The following CSGALNACT1 variants were observed in gnomAD, a reference collection of about 807,000 sequenced individuals.
CSGALNACT1 encodes beta4GalNAcT-1.
In CSGALNACT1, 52 loss-of-function variants were observed where a neutral mutation model predicts 51.0. The ratio of observed to expected loss-of-function variants is 1.02; its 90% CI spans 0.82 to 1.29. CSGALNACT1 has a LOEUF of 1.29. CSGALNACT1 is among the 50% of genes most tolerant of loss of function. The pLI is 0.00. For synonymous variants in CSGALNACT1, 341 were observed against 254.4 expected (o/e 1.34, Z -3.24); for missense variants, 935 against 679.2 (o/e 1.38, Z -4.19).
chr8:19,522,851 A>T (rs1221539060), intron 3 of CSGALNACT1, among the ~76,000 whole-genome samples: 1 of 152,230 alleles, frequency 6.6e-6, no homozygotes, highest in East Asian at 1.9e-4. Context: ...CTCAAAAAAA[A>T]ATTTAAACAA....
chr8:19,678,101 T>C (rs573290097), intron 1 of CSGALNACT1, among the ~76,000 whole-genome samples: 2 of 151,406 alleles, frequency 1.3e-5, no homozygotes, highest in African/African-American at 2.4e-5. Flanking sequence ...GAGACTCTTA[T>C]CTCAAACAAA....
intron 1 of CSGALNACT1, among the ~76,000 whole-genome samples, chr8:19,661,774 C>T (rs892716200): frequency 6.6e-6 from 1 of 152,166 alleles, no homozygotes; most frequent in South Asian, 2.1e-4. Context: ...CCAGTAGAAG[C>T]TGCTTACAGA....
At chr8:19,528,960 T>C (rs749639894) in intron 3 of CSGALNACT1, among the ~76,000 whole-genome samples, 26 of 152,196 alleles carry the variant, frequency 1.7e-4, no homozygotes, top group Non-Finnish European at 2.5e-4. Flanking sequence ...CTATGAGTAA[T>C]GGTTGTTAAT....
chr8:19,514,510 T>TAC (rs1554651569), intron 3 of CSGALNACT1, among the ~76,000 whole-genome samples: 108 of 132,974 alleles, frequency 8.1e-4, no homozygotes, highest in Admixed American at 2.4e-3. Context: ...TATATATATA[T>TAC]ACATGTATCT....
At chr8:19,666,887 G>GAGGA (rs2059295499) in intron 1 of CSGALNACT1, among the ~76,000 whole-genome samples, 3 of 125,000 alleles carry the variant, frequency 2.4e-5, no homozygotes, top group East Asian at 2.5e-4. Flanking sequence ...GAAAGAAAGA[G>GAGGA]AGAGAGGAAG....
At position 19,526,646 on chromosome 8, in the gene CSGALNACT1, A is replaced by G. The variant is rs544696312; in HGVS notation, c.-296-20516T>C. 5.3e-5 allele frequency among the ~76,000 whole-genome samples: 8 copies of G among 152,222 alleles called. No individual in the cohort carries two copies. In the East Asian group the frequency reaches 1.4e-3, roughly 26 times the overall value. On this transcript the variant is annotated intron_variant, in intron 3 of 9. Transcript: ENST00000454498. ...AAAGAGAAATGCTTATTTGACTGAT[A>G]AAGATATTACTTAAAGGAGCCACAA...
intron 3 of CSGALNACT1, among the ~76,000 whole-genome samples, chr8:19,535,981 C>A (rs953286926): frequency 6.6e-6 from 1 of 151,784 alleles, no homozygotes; most frequent in African/African-American, 2.4e-5. Flanking sequence ...CTAGCCAATG[C>A]AAGTGAAGAA....
At chr8:19,515,069 G>A (rs1456319519) in intron 3 of CSGALNACT1, among the ~76,000 whole-genome samples, 1 of 151,988 alleles carries the variant, frequency 6.6e-6, no homozygotes, top group Non-Finnish European at 1.5e-5. Context: ...GGTCCCCAGT[G>A]CCAGGATCAT....
At chr8:19,517,355 G>A (rs756404013) in intron 3 of CSGALNACT1, among the ~76,000 whole-genome samples, 3 of 152,048 alleles carry the variant, frequency 2.0e-5, no homozygotes, top group Admixed American at 1.3e-4. Context: ...CAGGAGAATC[G>A]CTTGAATCTG....
intron 8 of CSGALNACT1, among the ~76,000 whole-genome samples, chr8:19,416,425 T>A (rs1026317026): frequency 1.8e-4 from 27 of 152,114 alleles, no homozygotes; most frequent in Admixed American, 2.6e-4. Flanking sequence ...GGAAAACTTT[T>A]AAAAAATAAG....
chr8:19,679,906 A>G (rs1273239219), intron 1 of CSGALNACT1, among the ~76,000 whole-genome samples: 3 of 152,166 alleles, frequency 2.0e-5, no homozygotes, highest in Admixed American at 2.0e-4. Flanking sequence ...GAATTCATAG[A>G]CCTTCTGAGC....
rs1432229609 is a variant in CSGALNACT1, at chr8:19,548,544, TGTTA to T, written c.-296-42418_-296-42415del. On this transcript the variant is annotated intron_variant, in intron 3 of 9. Transcript: ENST00000454498. The stretch of plus-strand genomic sequence containing the variant: ...TCAATATATTCCAAAAACTCACTGC[TGTTA>T]GTTTTTCTCAAATATTATTTTTAAA... 2.6e-5 allele frequency among the ~76,000 whole-genome samples: 4 copies of T among 152,340 alleles called. No individual in the cohort carries two copies. The East Asian group carries it at 7.7e-4, about 29-fold the overall frequency.
At chr8:19,584,038 T>C (rs150737122) in intron 3 of CSGALNACT1, among the ~76,000 whole-genome samples, 4 of 152,308 alleles carry the variant, frequency 2.6e-5, no homozygotes, top group East Asian at 1.9e-4. Flanking sequence ...GCTACATTCA[T>C]AGACTCAGCC....
At chr8:19,444,837 G>A (rs1417476061) in intron 5 of CSGALNACT1, among the ~76,000 whole-genome samples, 1 of 152,178 alleles carries the variant, frequency 6.6e-6, no homozygotes, top group Non-Finnish European at 1.5e-5. Flanking sequence ...AGAAGGTACA[G>A]CAAATGCTGT....
Position 19,509,999 on chromosome 8 carries a change from A to G in CSGALNACT1, c.-296-3869T>C, listed in dbSNP as rs571467242. ...GAGTAGGGAGCAAGGAGTCCCTGTC[A>G]ACAACAAATTTTAGGACCCCTGGAA... On this transcript the variant is annotated intron_variant, in intron 3 of 9. Transcript: ENST00000454498. 2.9e-4 allele frequency among the ~76,000 whole-genome samples: 44 copies of G among 152,302 alleles called. 1 individual carries two copies. Among genetic ancestry groups the G allele is most frequent in the African/African-American group, 9.9e-4 (41 of 41,564 alleles).
intron 3 of CSGALNACT1, among the ~76,000 whole-genome samples, chr8:19,507,360 C>T (rs1305083661): frequency 6.6e-6 from 1 of 151,468 alleles, no homozygotes; most frequent in Non-Finnish European, 1.5e-5. Flanking sequence ...TGCACCTCAA[C>T]TCTCAATCTC....
At chr8:19,506,790 C>A (rs2077419370) in intron 3 of CSGALNACT1, among the ~76,000 whole-genome samples, 1 of 152,216 alleles carries the variant, frequency 6.6e-6, no homozygotes, top group African/African-American at 2.4e-5. Flanking sequence ...CACCTTCCAC[C>A]ATGAGTGGAA....
At chr8:19,538,273 G>A (rs1360796252) in intron 3 of CSGALNACT1, among the ~76,000 whole-genome samples, 1 of 152,186 alleles carries the variant, frequency 6.6e-6, no homozygotes, top group Non-Finnish European at 1.5e-5. Context: ...GGAGGCTGTA[G>A]TGAGCTATGA....
At chr8:19,531,660 T>C (rs556471857) in intron 3 of CSGALNACT1, among the ~76,000 whole-genome samples, 2 of 152,288 alleles carry the variant, frequency 1.3e-5, no homozygotes, top group South Asian at 2.1e-4. Context: ...CCTCAACACC[T>C]CACCTCTTCA....
Sources: allele counts gnomAD v4.1 joint callset (sites outside exome capture counted in the v4.1 genomes callset), GRCh38; gene constraint gnomAD v4.1.1; transcripts MANE v1.5; gene names NCBI Gene and HGNC (gene_info 2026-07-23, HGNC 2026-07-21).